Variants in TMEM108 observed in about 807,000 individuals in gnomAD.
The protein encoded by TMEM108 is transmembrane protein 108, also known as cancer/testis antigen 124.
In TMEM108, 12 loss-of-function variants were observed where a neutral mutation model predicts 35.1. The ratio of observed to expected loss-of-function variants is 0.34; its 90% CI spans 0.22 to 0.55. TMEM108 has a LOEUF of 0.55. Among genes scored for constraint, TMEM108 ranks in the 20% least tolerant of loss-of-function variants. TMEM108 has a pLI of 0.89. For missense variants in TMEM108, 680 were observed against 753.3 expected (o/e 0.90, Z 1.14); for synonymous variants, 287 against 308.6 (o/e 0.93, Z 0.73).
chr3:133,360,600 G>A (rs182514521), intron 3 of TMEM108, among the ~76,000 whole-genome samples: 1 of 152,308 alleles, frequency 6.6e-6, no homozygotes, highest in East Asian at 1.9e-4. Context: ...TTCTGCAGAA[G>A]CAAAGCTGCT....
intron 2 of TMEM108, among the ~76,000 whole-genome samples, chr3:133,127,540 ATCTG>A (rs907327232): frequency 1.3e-5 from 2 of 152,202 alleles, no homozygotes; most frequent in African/African-American, 4.8e-5. Context: ...GCAAGGAGTT[ATCTG>A]TCTGGTAAAC....
At chr3:133,369,865 C>T (rs2072606819) in intron 3 of TMEM108, among the ~76,000 whole-genome samples, 1 of 152,220 alleles carries the variant, frequency 6.6e-6, no homozygotes, top group Admixed American at 6.5e-5. Context: ...TGCCTACAAG[C>T]CTCCCTTCAG....
At chr3:133,301,787 A>G (rs1389639424) in intron 3 of TMEM108, among the ~76,000 whole-genome samples, 5 of 152,206 alleles carry the variant, frequency 3.3e-5, no homozygotes, top group Non-Finnish European at 5.9e-5. Flanking sequence ...TTCAAAGACC[A>G]GCACAAAAAC....
At chr3:133,206,545 A>G (rs1945757216) in intron 2 of TMEM108, among the ~76,000 whole-genome samples, 1 of 152,150 alleles carries the variant, frequency 6.6e-6, no homozygotes, top group African/African-American at 2.4e-5. Context: ...TTTTCCTTCT[A>G]AGAGTCAGGC....
chr3:133,180,842 GAGA>G (rs1945326604), intron 2 of TMEM108, among the ~76,000 whole-genome samples: 1 of 151,856 alleles, frequency 6.6e-6, no homozygotes, highest in Non-Finnish European at 1.5e-5. Context: ...CATGTCCTGA[GAGA>G]AGAATCTTCT....
rs140821495 is a variant in TMEM108 at position 133,185,925 on chromosome 3, G to A, written c.-46-43341G>A. On this transcript the variant is annotated intron_variant, in intron 2 of 5. Coordinates refer to ENST00000321871, the MANE Select transcript of TMEM108 (RefSeq NM_023943.4). ...TGGGATTACAGGCACATGCCACCAC[G>A]CCTGGCTGATTTTTGTATTTTTAGT... Among the ~76,000 whole-genome samples, 433 of 151,806 alleles carry A rather than the reference G, an allele frequency of 2.9e-3. 16 individuals are homozygous for A. In the East Asian group the frequency reaches 0.069, roughly 24 times the overall value.
intron 3 of TMEM108, among the ~76,000 whole-genome samples, chr3:133,267,080 C>CAAA (rs567345267): frequency 3.5e-5 from 4 of 115,922 alleles, no homozygotes; most frequent in Admixed American, 8.6e-5. Context: ...GACTCCACCT[C>CAAA]AAAAAAAAAA....
chr3:133,055,917 C>T (rs1377650199), intron 2 of TMEM108, among the ~76,000 whole-genome samples: 1 of 152,182 alleles, frequency 6.6e-6, no homozygotes, highest in Non-Finnish European at 1.5e-5. Flanking sequence ...ATTTACCAGG[C>T]ATTAAATGTT....
At chr3:133,039,060 C>T (rs569474683) in intron 1 of TMEM108, among the ~76,000 whole-genome samples, 1 of 152,162 alleles carries the variant, frequency 6.6e-6, no homozygotes, top group Non-Finnish European at 1.5e-5. Context: ...CGCTTTGAGC[C>T]TGCTGGAGGA....
At chr3:133,069,817 C>G (rs1943655406) in intron 2 of TMEM108, among the ~76,000 whole-genome samples, 2 of 152,194 alleles carry the variant, frequency 1.3e-5, no homozygotes, top group South Asian at 2.1e-4. Flanking sequence ...ACTCACCTCA[C>G]TCTTACGCTT....
At chr3:133,149,022 G>A (rs1157405736) in intron 2 of TMEM108, among the ~76,000 whole-genome samples, 1 of 151,844 alleles carries the variant, frequency 6.6e-6, no homozygotes, top group Non-Finnish European at 1.5e-5. Flanking sequence ...AAAACAACAA[G>A]AAAACACAAA....
chr3:133,261,609 C>T (rs1427988748), intron 3 of TMEM108, among the ~76,000 whole-genome samples: 1 of 152,108 alleles, frequency 6.6e-6, no homozygotes, highest in Admixed American at 6.6e-5. Context: ...TCTATTTTTC[C>T]CTCTCACAAG....
intron 2 of TMEM108, among the ~76,000 whole-genome samples, chr3:133,209,407 A>G (rs1488646376): frequency 1.3e-5 from 2 of 152,144 alleles, no homozygotes; most frequent in Non-Finnish European, 2.9e-5. Context: ...CATTAGACAA[A>G]TACATAGGCA....
intron 3 of TMEM108, among the ~76,000 whole-genome samples, chr3:133,329,625 T>C (rs1294451859): frequency 1.3e-5 from 2 of 152,208 alleles, no homozygotes; most frequent in Admixed American, 1.3e-4. Flanking sequence ...GAGATTTTAC[T>C]TATCCTTTCC....
At chr3:133,094,810 ACTTTATCTTGTTTTTTTTTAATT>A (rs1442562436) in intron 2 of TMEM108, among the ~76,000 whole-genome samples, 4 of 149,722 alleles carry the variant, frequency 2.7e-5, no homozygotes, top group Admixed American at 2.7e-4. Context: ...CTTCCATAAC[ACTTTATCTTGTTTTTTTTTAATT>A]CAGGGTATTT....
chr3:133,279,220 C>A (rs1946879259), intron 3 of TMEM108, among the ~76,000 whole-genome samples: 1 of 152,206 alleles, frequency 6.6e-6, no homozygotes, highest in Admixed American at 6.5e-5. Context: ...TGGACGAAAT[C>A]CTCTGTTCTA....
intron 3 of TMEM108, among the ~76,000 whole-genome samples, chr3:133,244,856 A>C (rs1946363492): frequency 6.6e-6 from 1 of 152,234 alleles, no homozygotes; most frequent in Non-Finnish European, 1.5e-5. Flanking sequence ...AAGGTGGTCC[A>C]GATTTTGGAG....
At chr3:133,152,404 A>G (rs776609626) in intron 2 of TMEM108, among the ~76,000 whole-genome samples, 11 of 152,194 alleles carry the variant, frequency 7.2e-5, no homozygotes, top group Non-Finnish European at 1.0e-4. Context: ...TTGAACCTTC[A>G]TAAGGGCAGA....
intron 2 of TMEM108, among the ~76,000 whole-genome samples, chr3:133,198,390 G>T (rs150027523): frequency 1.3e-5 from 2 of 152,318 alleles, no homozygotes; most frequent in Admixed American, 1.3e-4. Flanking sequence ...TATGGTAAGA[G>T]TGTGAACAAC....
Sources: allele counts gnomAD v4.1 joint callset (sites outside exome capture counted in the v4.1 genomes callset), GRCh38; gene constraint gnomAD v4.1.1; transcripts MANE v1.5; gene names NCBI Gene and HGNC (gene_info 2026-07-23, HGNC 2026-07-21).